SMAP1: variants seen among roughly 807,000 people sequenced by gnomAD.
SMAP1 encodes stromal membrane-associated protein 1.
A neutral mutation model predicts 58.5 loss-of-function variants in SMAP1; 24 were observed. The ratio of observed to expected loss-of-function variants is 0.41; its 90% CI spans 0.30 to 0.58. The LOEUF is 0.58. Among genes scored for constraint, SMAP1 ranks in the 20% least tolerant of loss-of-function variants. The pLI, the probability that SMAP1 is intolerant of heterozygous loss-of-function variation, is 0.29. For synonymous variants in SMAP1, 216 were observed against 196.6 expected (o/e 1.10, Z -0.82); for missense variants, 563 against 566.3 (o/e 0.99, Z 0.06).
At chr6:70,827,347 A>G (rs1770178364) in intron 6 of SMAP1, among the ~76,000 whole-genome samples, 2 of 152,234 alleles carry the variant, frequency 1.3e-5, no homozygotes, top group Admixed American at 1.3e-4. Context: ...TTCTGAAGCA[A>G]ATGTACCCAA....
chr6:70,756,060 TTA>T (rs1045588235), intron 3 of SMAP1, among the ~76,000 whole-genome samples: 5 of 152,042 alleles, frequency 3.3e-5, no homozygotes, highest in African/African-American at 1.2e-4. Flanking sequence ...AATATGTTTT[TTA>T]TGTTTTCTAA....
At chr6:70,842,033 G>A (rs566298203) in intron 7 of SMAP1, among the ~76,000 whole-genome samples, 85 of 152,318 alleles carry the variant, frequency 5.6e-4, no homozygotes, top group African/African-American at 2.0e-3. Context: ...ACAGTTACCA[G>A]TGGACCTGGA....
At chr6:70,814,780 G>A (rs1368321746) in intron 6 of SMAP1, among the ~76,000 whole-genome samples, 1 of 152,166 alleles carries the variant, frequency 6.6e-6, no homozygotes, top group Non-Finnish European at 1.5e-5. Flanking sequence ...TGGTCTGACA[G>A]TTTGTTCTTG....
At chr6:70,766,922 T>A (rs1247000410) in intron 3 of SMAP1, among the ~76,000 whole-genome samples, 2 of 152,166 alleles carry the variant, frequency 1.3e-5, no homozygotes, top group Non-Finnish European at 2.9e-5. Context: ...TTAATTTTTG[T>A]ATAAGGTGTA....
intron 7 of SMAP1, among the ~76,000 whole-genome samples, chr6:70,844,521 AG>A (rs1164233669): frequency 6.6e-6 from 1 of 152,254 alleles, no homozygotes; most frequent in Non-Finnish European, 1.5e-5. Flanking sequence ...TGGCTTGAAA[AG>A]GGAGGGCCAA....
chr6:70,830,164 T>C (rs1183814888), intron 6 of SMAP1, among the ~76,000 whole-genome samples: 1 of 152,236 alleles, frequency 6.6e-6, no homozygotes, highest in African/African-American at 2.4e-5. Context: ...CCTAATTTTA[T>C]CTACCCACAG....
intron 2 of SMAP1, among the ~76,000 whole-genome samples, chr6:70,739,410 T>G (rs1482433947): frequency 1.3e-5 from 2 of 152,174 alleles, no homozygotes; most frequent in African/African-American, 4.8e-5. Context: ...TCACTTTATC[T>G]TTTGTTGCAC....
intron 1 of SMAP1, among the ~76,000 whole-genome samples, chr6:70,714,149 C>T (rs1247289061): frequency 6.6e-6 from 1 of 152,044 alleles, no homozygotes; most frequent in Non-Finnish European, 1.5e-5. Context: ...TTCTTGTAGA[C>T]AATGTATAGT....
In SMAP1 at chr6:70,709,311, A is replaced by G. The variant is rs1047659886; in HGVS notation, c.119-23067A>G. On this transcript the variant is annotated intron_variant, in intron 1 of 10. Transcript: ENST00000370455. ...TGCCCATACCATAAACAATATGCCCATATTGTTTTGATTACTATAGCTTTA... is the reference window on the plus strand; with the variant it reads ...TGCCCATACCATAAACAATATGCCCGTATTGTTTTGATTACTATAGCTTTA... 2.0e-5 allele frequency among the ~76,000 whole-genome samples: 3 copies of G among 152,100 alleles called. No individual in the cohort carries two copies. The South Asian group carries it at 6.2e-4, about 32-fold the overall frequency.
intron 4 of SMAP1, among the ~76,000 whole-genome samples, chr6:70,788,529 A>G (rs969443126): frequency 2.6e-5 from 4 of 152,140 alleles, no homozygotes; most frequent in Non-Finnish European, 4.4e-5. Context: ...CAGACTCTAT[A>G]GAGAGATCAA....
At chr6:70,832,144 T>C (rs571383974) in intron 6 of SMAP1, among the ~76,000 whole-genome samples, 86 of 152,336 alleles carry the variant, frequency 5.6e-4, no homozygotes, top group African/African-American at 2.0e-3. Context: ...AAGTTCCTTA[T>C]AGATTCTGAA....
intron 4 of SMAP1, among the ~76,000 whole-genome samples, chr6:70,782,402 G>A (rs1348804031): frequency 6.6e-6 from 1 of 152,154 alleles, no homozygotes; most frequent in African/African-American, 2.4e-5. Flanking sequence ...AATGTCAGGT[G>A]CTAAAGATGG....
At chr6:70,809,306 G>C (rs1769286988) in intron 6 of SMAP1, among the ~76,000 whole-genome samples, 1 of 152,116 alleles carries the variant, frequency 6.6e-6, no homozygotes. Flanking sequence ...AAAAAAATTA[G>C]TTGGGAAAGA....
intron 5 of SMAP1, among the ~76,000 whole-genome samples, chr6:70,795,925 A>G (rs781142070): frequency 1.3e-5 from 2 of 152,056 alleles, no homozygotes; most frequent in Non-Finnish European, 2.9e-5. Flanking sequence ...TTTAATAGAG[A>G]CAGGGTTTCA....
At chr6:70,811,976 G>A (rs770039628) in intron 6 of SMAP1, among the ~76,000 whole-genome samples, 7 of 152,170 alleles carry the variant, frequency 4.6e-5, no homozygotes, top group Admixed American at 1.3e-4. Context: ...CGTATAAAGC[G>A]TGGATGTGCT....
At chr6:70,715,769 G>A (rs1768243682) in intron 1 of SMAP1, among the ~76,000 whole-genome samples, 2 of 152,032 alleles carry the variant, frequency 1.3e-5, no homozygotes, top group African/African-American at 4.8e-5. Flanking sequence ...GGTTTTGGGG[G>A]AACAAGTGGT....
chr6:70,852,053 A>G (rs74690227), intron 7 of SMAP1, among the ~76,000 whole-genome samples: 4,990 of 152,232 alleles, frequency 0.033, 303 homozygotes, highest in African/African-American at 0.11. Context: ...ATTATCTCCA[A>G]AACACACACA....
At chr6:70,808,224 G>A (rs910151763) in intron 6 of SMAP1, among the ~76,000 whole-genome samples, 5 of 152,100 alleles carry the variant, frequency 3.3e-5, no homozygotes, top group African/African-American at 1.2e-4. Context: ...TCGTTCAAGG[G>A]TCAGCTGTAC....
At chr6:70,692,724 C>T (rs1767224923) in intron 1 of SMAP1, among the ~76,000 whole-genome samples, 2 of 152,272 alleles carry the variant, frequency 1.3e-5, no homozygotes, top group Non-Finnish European at 2.9e-5. Context: ...AATGAGTTCA[C>T]TCTAGATGTA....
Sources: allele counts gnomAD v4.1 joint callset (sites outside exome capture counted in the v4.1 genomes callset), GRCh38; gene constraint gnomAD v4.1.1; transcripts MANE v1.5; gene names NCBI Gene and HGNC (gene_info 2026-07-23, HGNC 2026-07-21).